UBE2F: variants seen among roughly 807,000 people sequenced by gnomAD.
UBE2F encodes ubiquitin conjugating enzyme E2 F (putative).
UBE2F carries 5 observed loss-of-function variants against 29.6 expected under a neutral mutation model. The observed-to-expected ratio is 0.17, with a 90% CI of 0.09 to 0.36. The LOEUF (loss-of-function observed/expected upper bound fraction) is 0.36, where lower values mean the gene tolerates loss of function less well. UBE2F is among the 10% of genes least tolerant of loss of function. The pLI, the probability that UBE2F is intolerant of heterozygous loss-of-function variation, is 1.00. For synonymous variants in UBE2F, 66 were observed against 81.8 expected, an observed-to-expected ratio of 0.81 and a Z score of 1.04; for missense variants, 141 against 228.5, an observed-to-expected ratio of 0.62 and a Z score of 2.47.
chr2:238,001,034 T>A (rs1384154950), intron 4 of UBE2F, among the ~76,000 whole-genome samples: 1 of 4,304 alleles, frequency 2.3e-4, no homozygotes, highest in Admixed American at 2.4e-3. Context: ...GAGTTTTGCC[T>A]TTTTTTTTTT....
At chr2:238,008,075 T>C (rs1183331537) in intron 4 of UBE2F, among the ~76,000 whole-genome samples, 1 of 152,160 alleles carries the variant, frequency 6.6e-6, no homozygotes, top group Non-Finnish European at 1.5e-5. Flanking sequence ...CGCCTCAGGC[T>C]CCCAGGTAAC....
chr2:238,001,504 T>G (rs1267542116), intron 4 of UBE2F, among the ~76,000 whole-genome samples: 1 of 152,230 alleles, frequency 6.6e-6, no homozygotes, highest in Non-Finnish European at 1.5e-5. Flanking sequence ...TGTGTATTCC[T>G]CTAAATTTGT....
At chr2:237,971,987 C>G (rs536980561) in intron 1 of UBE2F, among the ~76,000 whole-genome samples, 45 of 152,158 alleles carry the variant, frequency 3.0e-4, no homozygotes, top group Non-Finnish European at 5.0e-4. Context: ...TTTCTTCAAC[C>G]GTCTCCCAGA....
intron 4 of UBE2F, among the ~76,000 whole-genome samples, chr2:237,997,183 G>T (rs1050972246): frequency 6.6e-6 from 1 of 151,966 alleles, no homozygotes; most frequent in Non-Finnish European, 1.5e-5. Context: ...GCTGAGATTG[G>T]CCCAGTGCAC....
At chr2:238,008,842 A>C (rs1469679337) in intron 4 of UBE2F, among the ~76,000 whole-genome samples, 2 of 152,218 alleles carry the variant, frequency 1.3e-5, no homozygotes, top group Non-Finnish European at 2.9e-5. Flanking sequence ...TCTGTGCTTT[A>C]CAGTCTGTTT....
intron 3 of UBE2F, among the ~76,000 whole-genome samples, chr2:237,991,108 A>G (rs1172119514): frequency 2.0e-5 from 3 of 152,206 alleles, no homozygotes; most frequent in African/African-American, 7.2e-5. Flanking sequence ...GAAGTATGGC[A>G]CATCTCCTAG....
chr2:238,012,842 C>T (rs2064069608), intron 4 of UBE2F, among the ~76,000 whole-genome samples: 1 of 152,182 alleles, frequency 6.6e-6, no homozygotes, highest in African/African-American at 2.4e-5. Flanking sequence ...GTAATGCCTG[C>T]TTTTACAGTG....
chr2:238,032,165 A>G, intron 7 of UBE2F, 57 bp from the exon 8 acceptor site: 1 of 1,419,754 alleles, frequency 7.0e-7, no homozygotes, highest in South Asian at 1.2e-5. Context: ...TCATGGGTTT[A>G]AAAGACTAGG....
At chr2:237,993,101 C>T (rs1016960031) in intron 3 of UBE2F, among the ~76,000 whole-genome samples, 1 of 151,780 alleles carries the variant, frequency 6.6e-6, no homozygotes, top group African/African-American at 2.4e-5. Flanking sequence ...AATTCTCCTG[C>T]CTCAGCCTCC....
intron 4 of UBE2F, among the ~76,000 whole-genome samples, chr2:238,016,238 G>A (rs1185110660): frequency 6.6e-6 from 1 of 152,184 alleles, no homozygotes; most frequent in African/African-American, 2.4e-5. Context: ...GATGTGTTCG[G>A]AGGGTTGTAG....
intron 2 of UBE2F, among the ~76,000 whole-genome samples, chr2:237,975,329 T>A (rs1217001071): frequency 1.3e-5 from 2 of 152,012 alleles, no homozygotes; most frequent in Admixed American, 6.6e-5. Flanking sequence ...AGGCTGGTCT[T>A]GAACTCCTGG....
chr2:237,978,138 A>G (rs537778870), intron 2 of UBE2F, among the ~76,000 whole-genome samples: 13 of 152,154 alleles, frequency 8.5e-5, no homozygotes, highest in African/African-American at 2.7e-4. Flanking sequence ...CTGCTCTGCA[A>G]CTGTCATTCG....
At chr2:237,997,642 A>G (rs1443773699) in intron 4 of UBE2F, among the ~76,000 whole-genome samples, 3 of 152,230 alleles carry the variant, frequency 2.0e-5, no homozygotes, top group Non-Finnish European at 4.4e-5. Flanking sequence ...AAACTCACTA[A>G]TATCTATGAT....
chr2:238,034,416 G>A (rs1187369569), intron 8 of UBE2F, among the ~76,000 whole-genome samples: 1 of 151,588 alleles, frequency 6.6e-6, no homozygotes. Context: ...CAACAAGAGC[G>A]AAAATCCGTC....
chr2:238,024,010 G>A (rs1559223939), intron 5 of UBE2F, among the ~76,000 whole-genome samples: 7 of 152,144 alleles, frequency 4.6e-5, no homozygotes, highest in Admixed American at 4.6e-4. Flanking sequence ...TATTAAACTC[G>A]GGCAGGTGTA....
intron 1 of UBE2F, among the ~76,000 whole-genome samples, chr2:237,970,739 G>A (rs914715380): frequency 1.3e-5 from 2 of 152,168 alleles, no homozygotes; most frequent in Admixed American, 6.5e-5. Context: ...TTTGAGATGC[G>A]GTTTCACTCT....
Position 237,979,930 on chromosome 2 carries a change from C to T in UBE2F, c.118+6705C>T, listed in dbSNP as rs758646913. Among the ~76,000 whole-genome samples the T allele has an allele frequency of 6.1e-4, 93 of 152,206 alleles. 2 individuals are homozygous for T. Among genetic ancestry groups the T allele is most frequent in the Admixed American group, 3.9e-3 (59 of 15,282 alleles). On this transcript the variant is annotated intron_variant, in intron 2 of 9. Transcript: ENST00000272930. Reference sequence around the variant, plus strand: ...TGGAGGGGACCATGAGCACTGTGGGCCTGCACTCTGTAGTGTGAGGCCTCA... The same window carrying T: ...TGGAGGGGACCATGAGCACTGTGGGTCTGCACTCTGTAGTGTGAGGCCTCA...
intron 9 of UBE2F, among the ~76,000 whole-genome samples, chr2:238,039,091 C>G (rs1479500420): frequency 1.3e-5 from 2 of 152,226 alleles, no homozygotes; most frequent in East Asian, 3.9e-4. Context: ...AAAAATTAGC[C>G]GGGCATGGTG....
At chr2:238,038,288 G>A (rs1266772870) in intron 9 of UBE2F, among the ~76,000 whole-genome samples, 1 of 152,238 alleles carries the variant, frequency 6.6e-6, no homozygotes, top group Non-Finnish European at 1.5e-5. Context: ...AGCAGCAGGG[G>A]TCCTCAAGAG....
Sources: gnomAD v4.1 joint callset for allele counts (sites outside exome capture counted in the v4.1 genomes callset) on GRCh38, gnomAD v4.1.1 for gene constraint, MANE v1.5 for transcripts, NCBI Gene and HGNC (gene_info 2026-07-23, HGNC 2026-07-21) for gene names.